Variants in ABI3BP observed in about 807,000 individuals in gnomAD.
The protein encoded by ABI3BP is ABI family member 3 binding protein.
ABI3BP carries 216 observed loss-of-function variants against 268.6 expected under a neutral mutation model. The ratio of observed to expected loss-of-function variants is 0.80; its 90% confidence interval spans 0.72 to 0.90. ABI3BP has a LOEUF of 0.90. ABI3BP is among the 40% of genes least tolerant of loss of function. The probability of loss-of-function intolerance (pLI) is 0.00; values close to 1 mark genes in which losing one functional copy is unlikely to be tolerated. For synonymous variants in ABI3BP, 730 were observed against 730.0 expected (o/e 1.00, Z 0.00); for missense variants, 2,090 against 2,182.4 (o/e 0.96, Z 0.84).
chr3:100,903,013 ATTCTGTTAC>A (rs1413226762), intron 2 of ABI3BP, among the ~76,000 whole-genome samples: 1 of 152,204 alleles, frequency 6.6e-6, no homozygotes, highest in Non-Finnish European at 1.5e-5. Context: ...GAGTATGTCC[ATTCTGTTAC>A]CCCATGCCTC....
chr3:100,775,815 A>T (rs2096684652), intron 59 of ABI3BP, among the ~76,000 whole-genome samples: 1 of 152,216 alleles, frequency 6.6e-6, no homozygotes, highest in Non-Finnish European at 1.5e-5. Context: ...GGAAGGGCAG[A>T]TCATGAAAGA....
chr3:100,822,829 T>C (rs897612509), intron 37 of ABI3BP, among the ~76,000 whole-genome samples, 157 bp from the exon 38 acceptor site: 19 of 152,324 alleles, frequency 1.2e-4, no homozygotes, highest in African/African-American at 4.3e-4. Flanking sequence ...TCTTTTATCA[T>C]AGAAAGCTCC....
chr3:100,820,787 T>C (rs2098194654), intron 39 of ABI3BP, among the ~76,000 whole-genome samples: 1 of 152,130 alleles, frequency 6.6e-6, no homozygotes. Context: ...AAAAAATTGG[T>C]TAAAAAACAC....
intron 61 of ABI3BP, among the ~76,000 whole-genome samples, chr3:100,774,256 G>A (rs1199800183): frequency 6.6e-6 from 1 of 152,090 alleles, no homozygotes; most frequent in Non-Finnish European, 1.5e-5. Flanking sequence ...TTTAAATGTG[G>A]TTTTGCATTT....
In ABI3BP at chr3:100,902,644, G is replaced by A. The variant is rs762572353; in HGVS notation, c.302C>T (p.Pro101Leu). 2 of 1,613,802 alleles carry A rather than the reference G, an allele frequency of 1.2e-6. No homozygotes were observed. Among genetic ancestry groups the A allele is most frequent in the Non-Finnish European group, 1.7e-6 (2 of 1,179,846 alleles). ...TGAACATGACTTCTTTTGACTTGGA[G>A]GTGGAGCAGGTCGCACAACTATCAG... ...KYLIVVRPAP[P>L]PSQKKSCSGK... The change falls in exon 3 of 68, where the codon CCT (proline) becomes CTT (leucine). Residue 101 changes from proline (P) to leucine (L), a missense_variant. Physicochemically the swap from Pro to Leu is moderately conservative, Grantham distance 98 (BLOSUM62 -3). Coordinates refer to ENST00000471714, the MANE Select transcript of ABI3BP (RefSeq NM_001375547.2).
At chr3:100,881,906 T>C (rs1292578412) in intron 6 of ABI3BP, among the ~76,000 whole-genome samples, 1 of 152,168 alleles carries the variant, frequency 6.6e-6, no homozygotes, top group Non-Finnish European at 1.5e-5. Flanking sequence ...CTGGGCACAA[T>C]TGCACTGGGG....
At chr3:100,837,221 A>G in intron 26 of ABI3BP, 50 bp from the exon 27 acceptor site, 1 of 1,465,690 alleles carries the variant, frequency 6.8e-7, no homozygotes, top group Non-Finnish European at 9.1e-7. Context: ...AAGGAAGTCT[A>G]AACTTTTGGG....
intron 1 of ABI3BP, among the ~76,000 whole-genome samples, chr3:100,960,206 A>G (rs1318048988): frequency 6.6e-6 from 1 of 152,238 alleles, no homozygotes; most frequent in African/African-American, 2.4e-5. Flanking sequence ...AAATGAAAAA[A>G]TAATAGAGAA....
At chr3:100,833,178 A>C in intron 29 of ABI3BP, 21 bp from the exon 30 acceptor site, 1 of 1,530,054 alleles carries the variant, frequency 6.5e-7, no homozygotes, top group Non-Finnish European at 8.8e-7. Flanking sequence ...AAATGATCAA[A>C]AGCAATTTTA....
At chr3:100,755,407 G>T (rs576503762) in intron 63 of ABI3BP, among the ~76,000 whole-genome samples, 7 of 152,298 alleles carry the variant, frequency 4.6e-5, no homozygotes, top group Non-Finnish European at 8.8e-5. Flanking sequence ...TGGAACTTGG[G>T]TCTTCTGTGG....
At chr3:100,887,916 T>C (rs1173189353) in intron 4 of ABI3BP, among the ~76,000 whole-genome samples, 1 of 151,998 alleles carries the variant, frequency 6.6e-6, no homozygotes, top group Non-Finnish European at 1.5e-5. Flanking sequence ...TGTTCAAAAG[T>C]TATTAGGAAT....
At chr3:100,960,912 C>G (rs1482710017) in intron 1 of ABI3BP, among the ~76,000 whole-genome samples, 3 of 152,202 alleles carry the variant, frequency 2.0e-5, no homozygotes, top group African/African-American at 7.2e-5. Context: ...AGAGCCCATG[C>G]CAGCTGACAC....
intron 2 of ABI3BP, among the ~76,000 whole-genome samples, chr3:100,921,552 G>A (rs1172911694): frequency 1.3e-5 from 2 of 151,920 alleles, no homozygotes; most frequent in Non-Finnish European, 1.5e-5. Flanking sequence ...GAGGATCTAT[G>A]AAATGTGAAT....
At chr3:100,798,726 T>C (rs919598051) in intron 51 of ABI3BP, among the ~76,000 whole-genome samples, 1 of 113,716 alleles carries the variant, frequency 8.8e-6, no homozygotes, top group Non-Finnish European at 2.3e-5. Context: ...AATGTTTTGA[T>C]AGAGTTAGAA....
chr3:100,750,381 TTAGATTG>T lies in ABI3BP; in HGVS notation c.*107_*113del, dbSNP rs1381918417. The stretch of plus-strand genomic sequence containing the variant: ...AATAAACATCTAGTATTGCTATTAA[TTAGATTG>T]TAGACTTTTATACATAGTAAACAAA... On this transcript the variant is annotated 3_prime_UTR_variant, in exon 68 of 68. Transcript: ENST00000471714. 5 of 683,842 alleles carry T rather than the reference TTAGATTG, an allele frequency of 7.3e-6. No individual in the cohort carries two copies. Among genetic ancestry groups the T allele is most frequent in the Non-Finnish European group, 1.2e-5 (5 of 417,968 alleles). 42.4% of individuals were successfully genotyped at this position (683,842 alleles called of 1,614,324 possible). A position where few individuals can be genotyped will look rare whatever the true frequency, so the allele number is the denominator to read the frequency against.
chr3:100,905,768 C>T (rs1206094370), intron 2 of ABI3BP, among the ~76,000 whole-genome samples: 2 of 151,934 alleles, frequency 1.3e-5, no homozygotes, highest in African/African-American at 4.8e-5. Flanking sequence ...GCATTTAAAC[C>T]TGGGATTGAA....
chr3:100,835,186 T>C (rs763571998), intron 28 of ABI3BP, among the ~76,000 whole-genome samples: 21 of 152,178 alleles, frequency 1.4e-4, no homozygotes, highest in Non-Finnish European at 2.8e-4. Context: ...CATTTTGTTT[T>C]CTAAAATAGT....
In ABI3BP at chr3:100,751,657, C is replaced by G. The variant is rs1470213695; in HGVS notation, c.5140G>C (p.Gly1714Arg). 6.3e-7 allele frequency: 1 copy of G among 1,598,848 alleles called. No individual in the cohort carries two copies. Among genetic ancestry groups the G allele is most frequent in the East Asian group, 2.2e-5 (1 of 44,596 alleles). Reference sequence around the variant, plus strand: ...TCTTCTCCATGGCCCCTCTGATCACCTATGTTATAAAATTTTCCTGAAGAA... The same window carrying G: ...TCTTCTCCATGGCCCCTCTGATCACGTATGTTATAAAATTTTCCTGAAGAA... ...DSLTGKFYNI[G>R]DQRGHGEDHC... The change falls in exon 67 of 68, where the codon GGT becomes CGT. Residue 1714 changes from glycine to arginine, a missense_variant. Transcript: ENST00000471714.
chr3:100,906,549 C>T (rs2053529752), intron 2 of ABI3BP, among the ~76,000 whole-genome samples: 1 of 152,080 alleles, frequency 6.6e-6, no homozygotes, highest in South Asian at 2.1e-4. Context: ...TGAAATTCTG[C>T]CAATATATGT....
Sources: gnomAD v4.1 joint callset for allele counts (sites outside exome capture counted in the v4.1 genomes callset) on GRCh38, gnomAD v4.1.1 for gene constraint, MANE v1.5 for transcripts, NCBI Gene and HGNC (gene_info 2026-07-23, HGNC 2026-07-21) for gene names.